Variants in CNKSR2 observed in about 807,000 individuals in gnomAD.
CNKSR2 encodes CNK homolog protein 2.
CNKSR2 carries 14 observed loss-of-function variants against 84.4 expected under a neutral mutation model. That is an observed-to-expected ratio of 0.17 (90% confidence interval 0.11 to 0.26). CNKSR2 has a LOEUF of 0.26. Ranked by LOEUF, CNKSR2 falls within the 10% of genes least tolerant of loss-of-function variation. The pLI is 1.00. For synonymous variants in CNKSR2, 275 were observed against 277.9 expected, an observed-to-expected ratio of 0.99 and a Z score of 0.10; for missense variants, 485 against 771.2, an observed-to-expected ratio of 0.63 and a Z score of 4.40.
intron 13 of CNKSR2, among the ~76,000 whole-genome samples, chrX:21,586,928 T>A: frequency 8.9e-6 from 1 of 111,980 alleles, no homozygotes; most frequent in Non-Finnish European, 1.9e-5. Flanking sequence ...TACCAACATA[T>A]GTCTAGAGTT....
chrX:21,393,887 G>A (rs754019605), intron 1 of CNKSR2, among the ~76,000 whole-genome samples: 57 of 112,354 alleles, frequency 5.1e-4, no homozygotes, highest in African/African-American at 1.6e-3. Context: ...GTCAAAAGAC[G>A]CATTCCTCTT....
intron 11 of CNKSR2, among the ~76,000 whole-genome samples, chrX:21,533,589 G>A (rs1462957796): frequency 1.8e-5 from 2 of 110,857 alleles, no homozygotes; most frequent in Non-Finnish European, 3.8e-5. Context: ...AGTCCCTTCG[G>A]ACTACATTTT....
At chrX:21,593,740 G>C (rs778181770) in intron 15 of CNKSR2, 74 of 111,091 alleles carry the variant, frequency 6.7e-4, no homozygotes, top group African/African-American at 1.8e-3. Context: ...TATATATATA[G>C]CACATACCCC....
At chrX:21,528,251 A>G (rs1262216192) in intron 10 of CNKSR2, among the ~76,000 whole-genome samples, 1 of 111,187 alleles carries the variant, frequency 9.0e-6, no homozygotes, top group Admixed American at 9.6e-5. Flanking sequence ...TTTTCCACAT[A>G]TGCTTGCATG....
intron 1 of CNKSR2, among the ~76,000 whole-genome samples, chrX:21,380,108 G>A (rs1359079271): frequency 9.0e-6 from 1 of 111,131 alleles, no homozygotes; most frequent in Non-Finnish European, 1.9e-5. Flanking sequence ...GAACAAATCT[G>A]CATTTCACAA....
At chrX:21,441,992 G>T (rs1419126707) in intron 4 of CNKSR2, among the ~76,000 whole-genome samples, 1 of 111,194 alleles carries the variant, frequency 9.0e-6, no homozygotes, top group African/African-American at 3.3e-5. Flanking sequence ...CTAAAACAAA[G>T]TGGTGCTACT....
chrX:21,549,520 C>T (rs148064012), intron 11 of CNKSR2, among the ~76,000 whole-genome samples: 138 of 111,786 alleles, frequency 1.2e-3, no homozygotes, highest in African/African-American at 4.3e-3. Flanking sequence ...ATGCTATCCC[C>T]ATCAAGCTAC....
intron 11 of CNKSR2, among the ~76,000 whole-genome samples, chrX:21,547,050 A>G (rs767942182): frequency 4.5e-5 from 5 of 111,870 alleles, no homozygotes; most frequent in Non-Finnish European, 9.4e-5. Flanking sequence ...CTAGCATCAT[A>G]ATGACAGAAT....
At chrX:21,544,538 C>T (rs913245206) in intron 11 of CNKSR2, among the ~76,000 whole-genome samples, 2 of 112,027 alleles carry the variant, frequency 1.8e-5, no homozygotes, top group South Asian at 3.8e-4. Flanking sequence ...TGAAAGAATT[C>T]AAGGTACTAG....
At chrX:21,602,616 A>G (rs757175896) in intron 18 of CNKSR2, among the ~76,000 whole-genome samples, 77 of 111,959 alleles carry the variant, frequency 6.9e-4, no homozygotes, top group Non-Finnish European at 1.3e-3. Context: ...TGCAGGCCAT[A>G]TAGTAGAGAC....
intron 1 of CNKSR2, among the ~76,000 whole-genome samples, chrX:21,399,589 T>C (rs984922085): frequency 8.9e-6 from 1 of 111,869 alleles, no homozygotes; most frequent in Non-Finnish European, 1.9e-5. Context: ...AAACGTTTAA[T>C]CCATTATAAA....
chrX:21,506,714 T>C (rs758458262), intron 8 of CNKSR2: 1 of 111,797 alleles, frequency 8.9e-6, no homozygotes, highest in African/African-American at 3.2e-5. Flanking sequence ...GTTTCTTTCT[T>C]ATTTGTGCAG....
chrX:21,555,054 G>C (rs1263115674), intron 11 of CNKSR2, among the ~76,000 whole-genome samples: 1 of 105,912 alleles, frequency 9.4e-6, no homozygotes, highest in East Asian at 3.0e-4. Context: ...TGACAGGTGT[G>C]AGATGATGTC....
At chrX:21,497,059 G>A (rs2091507290) in intron 6 of CNKSR2, among the ~76,000 whole-genome samples, 1 of 110,102 alleles carries the variant, frequency 9.1e-6, no homozygotes, top group African/African-American at 3.3e-5. Context: ...GTTTCCACTT[G>A]CTCTTAAAGT....
chrX:21,456,272 A>G (rs2090994198), intron 4 of CNKSR2, among the ~76,000 whole-genome samples: 1 of 111,316 alleles, frequency 9.0e-6, no homozygotes, highest in East Asian at 2.8e-4. Context: ...CAAGCATGCA[A>G]TACATTATTA....
chrX:21,654,048 G>A lies in CNKSR2; in HGVS notation c.*1527G>A, dbSNP rs994826855. 5.4e-5 allele frequency: 6 copies of A among 110,179 alleles called. No individual in the cohort carries two copies. The highest frequency in any genetic ancestry group is 2.0e-4 in the African/African-American group (6 of 30,229). The allele number at this position is 110,179 out of a possible 1,213,427, so 9.1% of individuals were successfully genotyped here. ...TTGAAACCACCATTGAATCACTATCGTTTTGCAGACTTTGCACAACTGTAC... is the reference window on the plus strand; with the variant it reads ...TTGAAACCACCATTGAATCACTATCATTTTGCAGACTTTGCACAACTGTAC... On this transcript the variant is annotated 3_prime_UTR_variant, in exon 22 of 22. Coordinates refer to ENST00000379510, the MANE Select transcript of CNKSR2 (RefSeq NM_014927.5).
At chrX:21,647,959 C>T (rs1314274590) in intron 20 of CNKSR2, among the ~76,000 whole-genome samples, 1 of 111,368 alleles carries the variant, frequency 9.0e-6, no homozygotes, top group South Asian at 3.8e-4. Context: ...GAGAAAGATA[C>T]GACATTAGTG....
At chrX:21,429,926 A>C (rs1364604359) in intron 2 of CNKSR2, 2 of 111,866 alleles carry the variant, frequency 1.8e-5, no homozygotes, top group African/African-American at 6.5e-5. Flanking sequence ...AAATTTTAAA[A>C]ATTAAAAAGT....
chrX:21,590,549 A>T (rs770691553), intron 13 of CNKSR2, 23 bp from the exon 14 acceptor site: 1 of 1,200,731 alleles, frequency 8.3e-7, no homozygotes. Flanking sequence ...ATCAGATAAC[A>T]TTCTTTTTAT....
Sources: allele counts gnomAD v4.1 joint callset (sites outside exome capture counted in the v4.1 genomes callset), GRCh38; gene constraint gnomAD v4.1.1; transcripts MANE v1.5; gene names NCBI Gene and HGNC (gene_info 2026-07-23, HGNC 2026-07-21).